Variants in ESRRG observed in about 807,000 individuals in gnomAD.
ESRRG encodes the protein estrogen related receptor gamma.
Under a neutral mutation model 44.0 loss-of-function variants are expected in ESRRG, and 13 were observed. The ratio of observed to expected loss-of-function variants is 0.30; its 90% CI spans 0.19 to 0.47. The LOEUF is 0.47. Among genes scored for constraint, ESRRG ranks in the 20% least tolerant of loss-of-function variants. The pLI, the probability that ESRRG is intolerant of heterozygous loss-of-function variation, is 1.00. For synonymous variants in ESRRG, 215 were observed against 214.6 expected (o/e 1.00, Z -0.02); for missense variants, 395 against 580.6 (o/e 0.68, Z 3.29).
At chr1:216,865,589 G>GAGTAAACTT (rs2096141436) in intron 2 of ESRRG, among the ~76,000 whole-genome samples, 1 of 152,134 alleles carries the variant, frequency 6.6e-6, no homozygotes, top group South Asian at 2.1e-4. Flanking sequence ...GAGGGAAAAG[G>GAGTAAACTT]AGTAAACTTA....
intron 2 of ESRRG, among the ~76,000 whole-genome samples, chr1:216,652,077 T>C (rs1475008833): frequency 6.6e-6 from 1 of 152,174 alleles, no homozygotes; most frequent in Non-Finnish European, 1.5e-5. Flanking sequence ...TTAAGTGCAT[T>C]AGTATCTTAA....
intron 2 of ESRRG, among the ~76,000 whole-genome samples, chr1:216,874,346 C>T (rs1162677165): frequency 6.6e-6 from 1 of 152,122 alleles, no homozygotes; most frequent in Non-Finnish European, 1.5e-5. Flanking sequence ...TCCATTATAT[C>T]CAAAACCAAA....
chr1:216,591,861 T>A (rs1013328071), intron 3 of ESRRG, among the ~76,000 whole-genome samples: 15 of 152,044 alleles, frequency 9.9e-5, no homozygotes, highest in African/African-American at 3.1e-4. Flanking sequence ...AATAAATGAA[T>A]AAGCTGATGG....
At chr1:216,634,685 G>A (rs1324093596) in intron 3 of ESRRG, among the ~76,000 whole-genome samples, 2 of 152,144 alleles carry the variant, frequency 1.3e-5, no homozygotes, top group African/African-American at 4.8e-5. Context: ...CTGCCCAGGG[G>A]GGACAGTCTC....
chr1:216,575,780 C>T (rs2061581993), intron 3 of ESRRG, among the ~76,000 whole-genome samples: 1 of 151,998 alleles, frequency 6.6e-6, no homozygotes, highest in Admixed American at 6.6e-5. Flanking sequence ...AAAGCAGAAA[C>T]ACAGGCAGAT....
intron 2 of ESRRG, among the ~76,000 whole-genome samples, chr1:216,777,120 C>T (rs986324599): frequency 6.6e-6 from 1 of 152,092 alleles, no homozygotes; most frequent in African/African-American, 2.4e-5. Flanking sequence ...GGCTTGCCTA[C>T]CCAGGCTGTA....
intron 3 of ESRRG, among the ~76,000 whole-genome samples, chr1:216,594,497 T>C (rs546889393): frequency 6.6e-6 from 1 of 152,312 alleles, no homozygotes; most frequent in African/African-American, 2.4e-5. Context: ...TTAGGCAAAC[T>C]GTCTTCTATC....
chr1:216,965,850 T>C (rs796179625), intron 1 of ESRRG, among the ~76,000 whole-genome samples: 4 of 152,208 alleles, frequency 2.6e-5, no homozygotes, highest in African/African-American at 9.6e-5. Context: ...CTCTAAGAAG[T>C]CTGTGGATTC....
At chr1:216,542,578 G>T (rs891240734) in intron 5 of ESRRG, among the ~76,000 whole-genome samples, 10 of 151,862 alleles carry the variant, frequency 6.6e-5, no homozygotes, top group Non-Finnish European at 1.3e-4. Flanking sequence ...CTATTATTTT[G>T]TAGCATTTGT....
intron 2 of ESRRG, among the ~76,000 whole-genome samples, chr1:216,788,063 A>C (rs1302235239): frequency 6.6e-6 from 1 of 152,172 alleles, no homozygotes; most frequent in African/African-American, 2.4e-5. Flanking sequence ...AGAAGTCATC[A>C]CCATAATATA....
intron 2 of ESRRG, among the ~76,000 whole-genome samples, chr1:216,761,037 C>T (rs1355675848): frequency 6.6e-6 from 1 of 151,866 alleles, no homozygotes; most frequent in Non-Finnish European, 1.5e-5. Context: ...CCACTGTTGC[C>T]CCTTCCAAAG....
In ESRRG at chr1:216,507,195, A is replaced by T. The variant is rs2041408552; in HGVS notation, c.1133-12T>A. ...TATGTGCATGGAGTCTGTGCAATGA[A>T]GCAAAAGATATGAGTAATTATAATA... On this transcript the variant is annotated splice_polypyrimidine_tract_variant and intron_variant, in intron 6 of 6. Coordinates refer to ENST00000408911, the MANE Select transcript of ESRRG (RefSeq NM_001438.4). The T allele has an allele frequency of 1.3e-6, 2 of 1,565,282 alleles. No homozygotes were observed. The highest frequency in any genetic ancestry group is 1.7e-6 in the Non-Finnish European group (2 of 1,151,952).
intron 5 of ESRRG, among the ~76,000 whole-genome samples, chr1:216,555,618 G>T (rs531376536): frequency 6.6e-6 from 1 of 151,534 alleles, no homozygotes; most frequent in African/African-American, 2.4e-5. Context: ...TTAAATGACT[G>T]TATTCTATAG....
chr1:216,738,378 T>C (rs1280107949), intron 2 of ESRRG, among the ~76,000 whole-genome samples: 1 of 152,042 alleles, frequency 6.6e-6, no homozygotes, highest in Non-Finnish European at 1.5e-5. Flanking sequence ...GCCAAGCAAC[T>C]AAGGAGAAAA....
At chr1:216,671,499 C>T (rs1334405020) in intron 2 of ESRRG, among the ~76,000 whole-genome samples, 4 of 152,140 alleles carry the variant, frequency 2.6e-5, no homozygotes, top group Admixed American at 1.3e-4. Flanking sequence ...TCTGGGTATC[C>T]CAGTCATATT....
In ESRRG at chr1:216,762,226, T is replaced by C. The variant is rs180871940; in HGVS notation, c.-13-84735A>G. ...CTGGGTATATACCCAAAGGACTATA[T>C]ATCATGCTGCTATAAAGACACATGC... On this transcript the variant is annotated intron_variant, in intron 2 of 7. Transcript: ENST00000359162. 2.5e-3 allele frequency among the ~76,000 whole-genome samples: 352 copies of C among 142,860 alleles called. 1 individual carries two copies. The highest frequency in any genetic ancestry group is 0.019 in the Middle Eastern group (5 of 258). The allele number at this position is 142,860 out of a possible 152,430, so 93.7% of individuals were successfully genotyped here. A position where few individuals can be genotyped will look rare whatever the true frequency, so the allele number is the denominator to read the frequency against.
At chr1:216,654,876 T>C (rs2070041736) in intron 2 of ESRRG, among the ~76,000 whole-genome samples, 1 of 152,156 alleles carries the variant, frequency 6.6e-6, no homozygotes, top group Admixed American at 6.5e-5. Flanking sequence ...TGGTGCTAAA[T>C]GAGTTACATA....
At chr1:216,540,703 C>A (rs183310368) in intron 5 of ESRRG, among the ~76,000 whole-genome samples, 1 of 151,770 alleles carries the variant, frequency 6.6e-6, no homozygotes, top group Non-Finnish European at 1.5e-5. Flanking sequence ...CTTGAGTAAC[C>A]GAAATATAGG....
At chr1:217,069,979 G>A (rs1447804611) in intron 1 of ESRRG, among the ~76,000 whole-genome samples, 1 of 152,134 alleles carries the variant, frequency 6.6e-6, no homozygotes, top group Admixed American at 6.5e-5. Flanking sequence ...CCATTTCCCA[G>A]GAAGACCCTC....
Sources: allele counts gnomAD v4.1 joint callset (sites outside exome capture counted in the v4.1 genomes callset), GRCh38; gene constraint gnomAD v4.1.1; transcripts MANE v1.5; gene names NCBI Gene and HGNC (gene_info 2026-07-23, HGNC 2026-07-21).